Variants in SYT17 observed in about 807,000 individuals in gnomAD.
SYT17 encodes the protein synaptotagmin-17.
SYT17 carries 22 observed loss-of-function variants against 46.7 expected under a neutral mutation model. The observed-to-expected ratio is 0.47, with a 90% CI of 0.34 to 0.67. The LOEUF (loss-of-function observed/expected upper bound fraction) is 0.67. Ranked by LOEUF, SYT17 falls within the 30% of genes least tolerant of loss-of-function variation. The pLI, the probability that SYT17 is intolerant of heterozygous loss-of-function variation, is 0.01. For synonymous variants in SYT17, 251 were observed against 248.4 expected, an observed-to-expected ratio of 1.01 and a Z score of -0.10; for missense variants, 519 against 612.8, an observed-to-expected ratio of 0.85 and a Z score of 1.62.
chr16:19,207,005 C>G (rs1965698033), intron 5 of SYT17, among the ~76,000 whole-genome samples: 1 of 152,162 alleles, frequency 6.6e-6, no homozygotes, highest in Non-Finnish European at 1.5e-5. Context: ...TCATGACTGA[C>G]TAGGTGCCAT....
chr16:19,175,136 TA>T (rs1964263769), intron 3 of SYT17, among the ~76,000 whole-genome samples: 1 of 151,954 alleles, frequency 6.6e-6, no homozygotes, highest in African/African-American at 2.4e-5. Context: ...CAAAAATAAA[TA>T]CATAAATAAA....
chr16:19,243,629 A>T (rs115778479), intron 7 of SYT17, among the ~76,000 whole-genome samples: 5,088 of 151,774 alleles, frequency 0.034, 300 homozygotes, highest in African/African-American at 0.12. Flanking sequence ...GACCAGCCTG[A>T]CCAACCTGGA....
At chr16:19,197,054 G>A (rs781159862) in intron 5 of SYT17, among the ~76,000 whole-genome samples, 7 of 152,190 alleles carry the variant, frequency 4.6e-5, no homozygotes, top group South Asian at 2.1e-4. Flanking sequence ...CTTACCAGAC[G>A]AGGCTCTTGA....
chr16:19,249,437 T>G (rs1567232614), intron 7 of SYT17, among the ~76,000 whole-genome samples: 2 of 152,214 alleles, frequency 1.3e-5, no homozygotes, highest in Admixed American at 1.3e-4. Context: ...GAAAGAGCTA[T>G]ATCTTGATTA....
intron 7 of SYT17, among the ~76,000 whole-genome samples, chr16:19,240,767 C>T (rs11865350): frequency 0.011 from 1,658 of 152,258 alleles, 38 homozygotes; most frequent in African/African-American, 0.038. Context: ...CTGTTCATGC[C>T]GAGAGGCACC....
At chr16:19,233,570 C>A (rs1966782103) in intron 7 of SYT17, among the ~76,000 whole-genome samples, 1 of 151,918 alleles carries the variant, frequency 6.6e-6, no homozygotes, top group Non-Finnish European at 1.5e-5. Context: ...GTGGGAGGAT[C>A]ACTTGAGTCC....
At chr16:19,204,620 G>A (rs892567780) in intron 5 of SYT17, among the ~76,000 whole-genome samples, 4 of 152,066 alleles carry the variant, frequency 2.6e-5, no homozygotes, top group Non-Finnish European at 5.9e-5. Context: ...AAAGATCCCT[G>A]AGTGATCTCA....
intron 7 of SYT17, among the ~76,000 whole-genome samples, chr16:19,258,761 C>T (rs1489174833): frequency 1.3e-5 from 2 of 151,204 alleles, no homozygotes; most frequent in Admixed American, 6.6e-5. Context: ...CACCGCAAAA[C>T]ACAGAATGAT....
At chr16:19,204,028 A>G (rs1410303983) in intron 5 of SYT17, among the ~76,000 whole-genome samples, 1 of 152,244 alleles carries the variant, frequency 6.6e-6, no homozygotes, top group Non-Finnish European at 1.5e-5. Context: ...AAGACAAAAA[A>G]TAGGGGAGGC....
Position 19,168,454 on chromosome 16 carries a change from G to A in SYT17, c.-193G>A, listed in dbSNP as rs1451210625. On this transcript the variant is annotated 5_prime_UTR_variant, in exon 1 of 8. Coordinates refer to ENST00000355377, the MANE Select transcript of SYT17 (RefSeq NM_016524.4). This position sits in a 1 kb window ranked among gnomAD's most constrained non-coding sequence, Gnocchi z 6.9. Reference sequence around the variant, plus strand: ...CGGCCCCGATTCCGAGAGCCGGAACGCAGGGAAAGGCAAGGACGGGGCGGC... The same window carrying A: ...CGGCCCCGATTCCGAGAGCCGGAACACAGGGAAAGGCAAGGACGGGGCGGC... 2.9e-6 allele frequency: 2 copies of A among 694,548 alleles called. No individual in the cohort carries two copies. The highest frequency in any genetic ancestry group is 3.3e-5 in the East Asian group (1 of 30,100). The allele number at this position is 694,548 out of a possible 1,614,324, so 43.0% of individuals were successfully genotyped here.
chr16:19,239,320 G>A (rs1347022953), intron 7 of SYT17, among the ~76,000 whole-genome samples: 2 of 151,662 alleles, frequency 1.3e-5, no homozygotes, highest in Non-Finnish European at 2.9e-5. Flanking sequence ...TAAAATATAT[G>A]TATAATAAAA....
At chr16:19,207,114 G>A (rs1468134047) in intron 5 of SYT17, among the ~76,000 whole-genome samples, 4 of 151,974 alleles carry the variant, frequency 2.6e-5, no homozygotes, top group East Asian at 1.9e-4. Flanking sequence ...GCTTCCTCTC[G>A]TGCCCTGTGA....
chr16:19,228,304 A>C (rs1427393062), intron 7 of SYT17, among the ~76,000 whole-genome samples: 1 of 152,168 alleles, frequency 6.6e-6, no homozygotes, highest in Non-Finnish European at 1.5e-5. Flanking sequence ...CTGTCAGGGA[A>C]GTCCTGTACT....
chr16:19,204,757 T>C (rs1453312990), intron 5 of SYT17, among the ~76,000 whole-genome samples: 2 of 152,094 alleles, frequency 1.3e-5, no homozygotes, highest in African/African-American at 4.8e-5. Flanking sequence ...CAGGAATCTG[T>C]ATTTACAAGC....
intron 7 of SYT17, among the ~76,000 whole-genome samples, chr16:19,266,282 GGCCATTTGGCCAT>G (rs1409898712): frequency 3.3e-5 from 5 of 152,196 alleles, no homozygotes; most frequent in African/African-American, 1.2e-4. Flanking sequence ...CCTCCGCAGG[GGCCATTTGGCCAT>G]GTCCGAAGAC....
chr16:19,170,276 T>C (rs1964030027), intron 1 of SYT17: 1 of 152,080 alleles, frequency 6.6e-6, no homozygotes, highest in African/African-American at 2.4e-5. Flanking sequence ...TTGAATTTTG[T>C]ATACTTTGCA....
intron 7 of SYT17, among the ~76,000 whole-genome samples, chr16:19,242,551 G>A (rs1967211439): frequency 6.6e-6 from 1 of 152,054 alleles, no homozygotes; most frequent in African/African-American, 2.4e-5. Context: ...TTGAGATGGG[G>A]TCTCACTCTG....
intron 5 of SYT17, among the ~76,000 whole-genome samples, chr16:19,209,146 G>A (rs867866556): frequency 6.6e-6 from 1 of 151,882 alleles, no homozygotes; most frequent in South Asian, 2.1e-4. Flanking sequence ...TGGGATTACA[G>A]GCGCGAGCCA....
intron 7 of SYT17, among the ~76,000 whole-genome samples, chr16:19,264,664 C>A (rs1567241894): frequency 6.6e-6 from 1 of 151,748 alleles, no homozygotes; most frequent in Non-Finnish European, 1.5e-5. Flanking sequence ...GTGGCACCAT[C>A]ACTGCAGCCT....
Sources: gnomAD v4.1 joint callset for allele counts (sites outside exome capture counted in the v4.1 genomes callset) on GRCh38, gnomAD v4.1.1 for gene constraint, Gnocchi (gnomAD v3.1) non-coding constraint, MANE v1.5 for transcripts, NCBI Gene and HGNC (gene_info 2026-07-23, HGNC 2026-07-21) for gene names.